Variants in PPM1L observed in about 807,000 individuals in gnomAD.
PPM1L encodes protein phosphatase 1L.
PPM1L carries 13 observed loss-of-function variants against 31.4 expected under a neutral mutation model. The ratio of observed to expected loss-of-function variants is 0.41; its 90% CI spans 0.27 to 0.66. The LOEUF is 0.66. Ranked by LOEUF, PPM1L falls within the 30% of genes least tolerant of loss-of-function variation. The pLI, the probability that PPM1L is intolerant of heterozygous loss-of-function variation, is 0.29. For synonymous variants in PPM1L, 184 were observed against 175.4 expected (o/e 1.05, Z -0.39); for missense variants, 326 against 453.7 (o/e 0.72, Z 2.56).
intron 1 of PPM1L, among the ~76,000 whole-genome samples, chr3:160,933,175 G>T (rs1714841813): frequency 6.6e-6 from 1 of 152,092 alleles, no homozygotes; most frequent in Non-Finnish European, 1.5e-5. Context: ...TGTATTATAT[G>T]CCATTTTTTT....
chr3:160,836,501 A>G (rs1433252222), intron 1 of PPM1L, among the ~76,000 whole-genome samples: 2 of 152,208 alleles, frequency 1.3e-5, no homozygotes, highest in African/African-American at 4.8e-5. Flanking sequence ...AAAATGTAGC[A>G]GCTCAATTGA....
rs1167502553 is a variant in PPM1L, at chr3:160,854,633, CCCCT to C, written c.399+97927_399+97930del. ...ACACACACACATACACACACATACACCCCTAGGAATACGGCAGATCAGGGAGGTA... is the reference window on the plus strand; with the variant it reads ...ACACACACACATACACACACATACACAGGAATACGGCAGATCAGGGAGGTA... On this transcript the variant is annotated intron_variant, in intron 1 of 3. Coordinates refer to ENST00000498165, the MANE Select transcript of PPM1L (RefSeq NM_139245.4). 2.0e-5 allele frequency among the ~76,000 whole-genome samples: 3 copies of C among 151,766 alleles called. No homozygotes were observed. In the East Asian group the frequency reaches 5.8e-4, roughly 29 times the overall value.
At chr3:160,823,822 G>A (rs1713276397) in intron 1 of PPM1L, among the ~76,000 whole-genome samples, 1 of 152,104 alleles carries the variant, frequency 6.6e-6, no homozygotes, top group African/African-American at 2.4e-5. Context: ...TAGCTACCAA[G>A]GCCAGGATTT....
At chr3:160,842,522 G>A (rs750632558) in intron 1 of PPM1L, among the ~76,000 whole-genome samples, 5 of 152,120 alleles carry the variant, frequency 3.3e-5, no homozygotes, top group East Asian at 1.9e-4. Flanking sequence ...CAGAAGCAGC[G>A]TACAGCTCTG....
intron 1 of PPM1L, among the ~76,000 whole-genome samples, chr3:160,826,179 G>GTAA (rs1205789125): frequency 4.6e-5 from 7 of 152,122 alleles, no homozygotes; most frequent in Admixed American, 1.3e-4. Flanking sequence ...GTAGGTAAAA[G>GTAA]TAATAGTCTT....
rs116190196 is a variant in PPM1L, at chr3:160,981,364, G to A, written c.574+19454G>A. On this transcript the variant is annotated intron_variant, in intron 2 of 3. Transcript: ENST00000498165. ...TCTGAATATACTCATGTGGCTCTTG[G>A]CAGAAAGCTTCATTTCCTGTCTACA... Among the ~76,000 whole-genome samples, 1,345 of 152,248 alleles carry A rather than the reference G, an allele frequency of 8.8e-3. 22 individuals are homozygous for A. The highest frequency in any genetic ancestry group is 0.031 in the African/African-American group (1,277 of 41,542).
At chr3:160,852,895 G>A (rs550029799) in intron 1 of PPM1L, among the ~76,000 whole-genome samples, 1 of 152,284 alleles carries the variant, frequency 6.6e-6, no homozygotes, top group East Asian at 1.9e-4. Flanking sequence ...AGTTTCCTGT[G>A]GTTGCTGATA....
At position 160,982,133 on chromosome 3, in the gene PPM1L, T is replaced by C. The variant is rs886795215; in HGVS notation, c.574+20223T>C. The stretch of plus-strand genomic sequence containing the variant: ...AGTCCAAAGCTGGAGTGTTGAGCCC[T>C]GCACCTGGATGGCTTTAGGATTATT... On this transcript the variant is annotated intron_variant, in intron 2 of 3. Coordinates refer to ENST00000498165, the MANE Select transcript of PPM1L (RefSeq NM_139245.4). Among the ~76,000 whole-genome samples the C allele has an allele frequency of 5.3e-5, 8 of 152,236 alleles. No homozygotes were observed. In the East Asian group the frequency reaches 7.7e-4, roughly 15 times the overall value.
At chr3:161,014,916 G>A (rs897836787) in intron 2 of PPM1L, among the ~76,000 whole-genome samples, 3 of 152,198 alleles carry the variant, frequency 2.0e-5, no homozygotes, top group African/African-American at 7.2e-5. Context: ...CACTTACGGT[G>A]CAAAATCATT....
At chr3:160,897,891 G>C (rs908889469) in intron 1 of PPM1L, among the ~76,000 whole-genome samples, 1 of 152,182 alleles carries the variant, frequency 6.6e-6, no homozygotes, top group Non-Finnish European at 1.5e-5. Flanking sequence ...CACTTAGCAA[G>C]ACCCTTTCTT....
At chr3:160,769,040 C>G (rs1305043620) in intron 1 of PPM1L, among the ~76,000 whole-genome samples, 2 of 152,186 alleles carry the variant, frequency 1.3e-5, no homozygotes, top group Non-Finnish European at 1.5e-5. Flanking sequence ...AAGTACTCTT[C>G]ACATCTTATA....
At chr3:160,907,657 C>T (rs796705309) in intron 1 of PPM1L, among the ~76,000 whole-genome samples, 13 of 152,190 alleles carry the variant, frequency 8.5e-5, no homozygotes, top group South Asian at 4.1e-4. Context: ...AATACTAAAG[C>T]GTGGCAGAGT....
chr3:160,828,070 C>T (rs1043986346), intron 1 of PPM1L, among the ~76,000 whole-genome samples: 5 of 151,880 alleles, frequency 3.3e-5, no homozygotes, highest in African/African-American at 1.2e-4. Flanking sequence ...ACCCTCATGA[C>T]GCAAACACCT....
intron 2 of PPM1L, among the ~76,000 whole-genome samples, chr3:161,002,110 A>G (rs1023256945): frequency 1.3e-5 from 2 of 151,684 alleles, no homozygotes; most frequent in Non-Finnish European, 2.9e-5. Context: ...TTCTTGCGAT[A>G]GTTTACTGAG....
At chr3:160,920,050 A>G (rs897144705) in intron 1 of PPM1L, among the ~76,000 whole-genome samples, 3 of 152,108 alleles carry the variant, frequency 2.0e-5, no homozygotes, top group African/African-American at 7.2e-5. Context: ...GTCCTGAGCC[A>G]TCACTATGGT....
intron 2 of PPM1L, among the ~76,000 whole-genome samples, chr3:160,999,369 A>G (rs1385031890): frequency 6.6e-6 from 1 of 152,168 alleles, no homozygotes; most frequent in Non-Finnish European, 1.5e-5. Context: ...AGTAAGCCAT[A>G]TTTCACTGCC....
At chr3:160,929,212 C>A (rs1714701022) in intron 1 of PPM1L, among the ~76,000 whole-genome samples, 1 of 152,048 alleles carries the variant, frequency 6.6e-6, no homozygotes, top group South Asian at 2.1e-4. Context: ...GGAAGCTCCT[C>A]CCTACCCCAA....
At chr3:160,877,864 T>C (rs1428592651) in intron 1 of PPM1L, among the ~76,000 whole-genome samples, 3 of 152,154 alleles carry the variant, frequency 2.0e-5, no homozygotes, top group Non-Finnish European at 4.4e-5. Context: ...TGCTCCTTAC[T>C]GTACATGTGG....
intron 1 of PPM1L, among the ~76,000 whole-genome samples, chr3:160,840,366 T>G (rs1713835420): frequency 6.6e-6 from 1 of 152,196 alleles, no homozygotes; most frequent in African/African-American, 2.4e-5. Context: ...AATGACCATT[T>G]GCTCACTAGG....
Sources: allele counts gnomAD v4.1 joint callset (sites outside exome capture counted in the v4.1 genomes callset), GRCh38; gene constraint gnomAD v4.1.1; transcripts MANE v1.5; gene names NCBI Gene and HGNC (gene_info 2026-07-23, HGNC 2026-07-21).